CADM2: variants seen among roughly 807,000 people sequenced by gnomAD.
CADM2 encodes the protein cell adhesion molecule 2, also known as immunoglobulin superfamily member 4D.
Under a neutral mutation model 49.8 loss-of-function variants are expected in CADM2, and 12 were observed. That is an observed-to-expected ratio of 0.24 (90% CI 0.15 to 0.39). The LOEUF (loss-of-function observed/expected upper bound fraction) is 0.39. Ranked by LOEUF, CADM2 falls within the 10% of genes least tolerant of loss-of-function variation. CADM2 has a pLI of 1.00. For missense variants in CADM2, 378 were observed against 492.3 expected (o/e 0.77, Z 2.20); for synonymous variants, 214 against 175.4 (o/e 1.22, Z -1.74).
At chr3:85,680,189 G>A (rs2065999319) in intron 1 of CADM2, among the ~76,000 whole-genome samples, 1 of 151,916 alleles carries the variant, frequency 6.6e-6, no homozygotes, top group Non-Finnish European at 1.5e-5. Flanking sequence ...GAAGTTTAGG[G>A]AAGGTGTCAA....
chr3:85,809,781 TCTCTC>T (rs2072725456), intron 3 of CADM2, among the ~76,000 whole-genome samples: 1 of 96,436 alleles, frequency 1.0e-5, no homozygotes, highest in Non-Finnish European at 2.1e-5. Flanking sequence ...TCTCTCTCTC[TCTCTC>T]TCTCTCTTTC....
intron 1 of CADM2, among the ~76,000 whole-genome samples, chr3:85,010,360 T>C (rs2033930512): frequency 6.6e-6 from 1 of 152,174 alleles, no homozygotes; most frequent in Admixed American, 6.5e-5. Context: ...AATTAGAATG[T>C]ATAAATAGTC....
intron 1 of CADM2, among the ~76,000 whole-genome samples, chr3:85,237,708 A>G (rs1304897443): frequency 6.6e-6 from 1 of 151,742 alleles, no homozygotes; most frequent in African/African-American, 2.4e-5. Context: ...TGTGCTTCTT[A>G]AAATATAAAG....
intron 8 of CADM2, among the ~76,000 whole-genome samples, chr3:86,025,712 T>C (rs1159593264): frequency 6.6e-6 from 1 of 152,158 alleles, no homozygotes; most frequent in Non-Finnish European, 1.5e-5. Flanking sequence ...ATTTAAAAAT[T>C]AAATGTAACA....
intron 1 of CADM2, among the ~76,000 whole-genome samples, chr3:85,353,568 A>G (rs1023395161): frequency 6.2e-5 from 9 of 144,440 alleles, no homozygotes; most frequent in South Asian, 2.1e-4. Context: ...TTTTGCAGTG[A>G]GTTATTTTAT....
intron 8 of CADM2, among the ~76,000 whole-genome samples, chr3:86,036,464 G>C (rs1201800800): frequency 6.6e-6 from 1 of 151,904 alleles, no homozygotes; most frequent in Non-Finnish European, 1.5e-5. Context: ...TCTCTCTTCA[G>C]TCTGCCCCTT....
At chr3:85,279,235 A>C (rs927258072) in intron 1 of CADM2, among the ~76,000 whole-genome samples, 2 of 151,598 alleles carry the variant, frequency 1.3e-5, no homozygotes, top group Admixed American at 6.6e-5. Context: ...GCCTAAATAC[A>C]TGGATAATCT....
chr3:85,919,516 AC>A (rs1484699460), intron 6 of CADM2, among the ~76,000 whole-genome samples: 5 of 151,832 alleles, frequency 3.3e-5, no homozygotes, highest in Non-Finnish European at 5.9e-5. Flanking sequence ...TAACAGAAAA[AC>A]GTTTGGGTCC....
intron 1 of CADM2, among the ~76,000 whole-genome samples, chr3:85,437,310 A>C (rs916131582): frequency 6.6e-6 from 1 of 152,160 alleles, no homozygotes; most frequent in African/African-American, 2.4e-5. Flanking sequence ...AGTTTCTGTA[A>C]ACAGCTGTGT....
intron 3 of CADM2, among the ~76,000 whole-genome samples, chr3:85,873,134 G>A (rs555369312): frequency 8.4e-4 from 128 of 152,194 alleles, no homozygotes; most frequent in Non-Finnish European, 1.7e-3. Context: ...ATAAGGAAGA[G>A]CCCTCATGAC....
intron 6 of CADM2, among the ~76,000 whole-genome samples, chr3:85,925,898 G>C (rs1448409705): frequency 6.6e-6 from 1 of 152,118 alleles, no homozygotes; most frequent in East Asian, 1.9e-4. Flanking sequence ...AGCACTTTGG[G>C]AGGCCAAGGA....
At chr3:85,091,302 C>T (rs2037588056) in intron 1 of CADM2, among the ~76,000 whole-genome samples, 1 of 151,986 alleles carries the variant, frequency 6.6e-6, no homozygotes, top group South Asian at 2.1e-4. Context: ...GCTAAATGAT[C>T]TAGTTATGCG....
intron 2 of CADM2, among the ~76,000 whole-genome samples, chr3:85,729,290 G>T (rs913372438): frequency 6.6e-6 from 1 of 152,020 alleles, no homozygotes; most frequent in Non-Finnish European, 1.5e-5. Flanking sequence ...TTCTTGAAAA[G>T]ATCAACTATT....
intron 2 of CADM2, among the ~76,000 whole-genome samples, chr3:85,744,360 G>A (rs921390558): frequency 6.6e-6 from 1 of 152,028 alleles, no homozygotes; most frequent in African/African-American, 2.4e-5. Context: ...ATAATCAAGA[G>A]TATACTTGGA....
intron 1 of CADM2, among the ~76,000 whole-genome samples, chr3:85,159,201 A>G (rs2040238771): frequency 6.6e-6 from 1 of 152,206 alleles, no homozygotes; most frequent in Admixed American, 6.6e-5. Flanking sequence ...AATAGAACGT[A>G]TTATTAATGT....
At chr3:85,431,949 G>A (rs1209677528) in intron 1 of CADM2, among the ~76,000 whole-genome samples, 5 of 138,866 alleles carry the variant, frequency 3.6e-5, no homozygotes, top group East Asian at 2.2e-4. Context: ...TAGGAAGGAA[G>A]ATTAGAGGAG....
intron 1 of CADM2, among the ~76,000 whole-genome samples, chr3:85,368,020 A>C (rs2032924886): frequency 6.6e-6 from 1 of 152,122 alleles, no homozygotes; most frequent in African/African-American, 2.4e-5. Flanking sequence ...TAGAAGAAAT[A>C]ACTGAAGAAA....
At chr3:85,568,425 T>TCTCTC (rs2062345899) in intron 1 of CADM2, among the ~76,000 whole-genome samples, 2 of 28,454 alleles carry the variant, frequency 7.0e-5, no homozygotes, top group African/African-American at 2.2e-4. Flanking sequence ...CTTTCTTTCT[T>TCTCTC]TCTTTCTTTC....
At chr3:85,176,119 A>G (rs2040779331) in intron 1 of CADM2, among the ~76,000 whole-genome samples, 2 of 151,968 alleles carry the variant, frequency 1.3e-5, no homozygotes, top group Non-Finnish European at 2.9e-5. Flanking sequence ...AATAACATTT[A>G]AAGTGTGGTC....
Sources: gnomAD v4.1 joint callset for allele counts (sites outside exome capture counted in the v4.1 genomes callset) on GRCh38, gnomAD v4.1.1 for gene constraint, MANE v1.5 for transcripts, NCBI Gene and HGNC (gene_info 2026-07-23, HGNC 2026-07-21) for gene names.